CDKAL1: variants seen among roughly 807,000 people sequenced by gnomAD.
The protein encoded by CDKAL1 is threonylcarbamoyladenosine tRNA methylthiotransferase.
A neutral mutation model predicts 68.2 loss-of-function variants in CDKAL1; 32 were observed. The ratio of observed to expected loss-of-function variants is 0.47; its 90% CI spans 0.35 to 0.63. The LOEUF (loss-of-function observed/expected upper bound fraction) is 0.63, where lower values mean the gene tolerates loss of function less well. CDKAL1 is among the 30% of genes least tolerant of loss of function. CDKAL1 has a pLI of 0.00. For missense variants in CDKAL1, 606 were observed against 696.7 expected, an observed-to-expected ratio of 0.87 and a Z score of 1.47; for synonymous variants, 234 against 244.3, an observed-to-expected ratio of 0.96 and a Z score of 0.39.
chr6:20,918,028 T>G (rs1028268601), intron 9 of CDKAL1, among the ~76,000 whole-genome samples: 1 of 152,186 alleles, frequency 6.6e-6, no homozygotes, highest in African/African-American at 2.4e-5. Flanking sequence ...TAAGAATTGT[T>G]TTAGCCTGGG....
intron 12 of CDKAL1, among the ~76,000 whole-genome samples, chr6:21,068,047 TTTACCAGTTGGA>T (rs775333545): frequency 0.029 from 593 of 20,328 alleles, 3 homozygotes; most frequent in Non-Finnish European, 0.028. Flanking sequence ...TACCTGTTGG[TTTACCAGTTGGA>T]TTTACAACCC....
chr6:21,126,728 G>A lies in CDKAL1; in HGVS notation c.1299+18265G>A, dbSNP rs181105421. Among the ~76,000 whole-genome samples the A allele has an allele frequency of 2.2e-3, 339 of 152,200 alleles. 2 individuals carry two copies. Among genetic ancestry groups the A allele is most frequent in the Non-Finnish European group, 3.4e-3 (233 of 68,000 alleles). On this transcript the variant is annotated intron_variant, in intron 13 of 15. Coordinates refer to ENST00000274695, the MANE Select transcript of CDKAL1 (RefSeq NM_017774.3). ...TCTGATAACCTGACATTTCCCTAAG[G>A]ATATTAAGTAGCTTATTAGATATTT...
intron 9 of CDKAL1, among the ~76,000 whole-genome samples, chr6:20,937,224 A>G (rs1021742531): frequency 4.6e-5 from 7 of 152,244 alleles, no homozygotes; most frequent in Admixed American, 4.6e-4. Flanking sequence ...GGCTGGGACT[A>G]CAGGTGTGTA....
chr6:20,556,442 C>T (rs1172963767), intron 4 of CDKAL1, among the ~76,000 whole-genome samples: 1 of 152,052 alleles, frequency 6.6e-6, no homozygotes, highest in African/African-American at 2.4e-5. Context: ...TTCCTACCTC[C>T]TTAATCATAA....
At chr6:20,969,261 G>A (rs528987858) in intron 10 of CDKAL1, among the ~76,000 whole-genome samples, 10 of 152,222 alleles carry the variant, frequency 6.6e-5, no homozygotes, top group Admixed American at 3.3e-4. Context: ...ATTAATGCAC[G>A]TGTGTTATGT....
chr6:21,147,914 C>G (rs556169713), intron 13 of CDKAL1, among the ~76,000 whole-genome samples: 18 of 152,190 alleles, frequency 1.2e-4, no homozygotes, highest in African/African-American at 4.3e-4. Context: ...TCATTTGTGG[C>G]AGTCTAGAAA....
intron 10 of CDKAL1, among the ~76,000 whole-genome samples, chr6:20,991,905 A>G (rs1766831454): frequency 6.6e-6 from 1 of 151,264 alleles, no homozygotes; most frequent in South Asian, 2.1e-4. Context: ...TTACCACAAT[A>G]AAACAATAAA....
At chr6:20,729,970 A>G (rs914201841) in intron 5 of CDKAL1, among the ~76,000 whole-genome samples, 2 of 152,144 alleles carry the variant, frequency 1.3e-5, no homozygotes, top group East Asian at 1.9e-4. Flanking sequence ...TCTTTATGAC[A>G]TTCATGCTCT....
intron 13 of CDKAL1, among the ~76,000 whole-genome samples, chr6:21,130,751 T>A (rs9986401): frequency 0.87 from 131,917 of 152,188 alleles, 57,456 homozygotes; most frequent in East Asian, 1. Flanking sequence ...CACAGTAGAC[T>A]AGGTCTCAGG....
intron 12 of CDKAL1, among the ~76,000 whole-genome samples, chr6:21,077,032 G>A (rs182444045): frequency 1.8e-4 from 28 of 152,264 alleles, no homozygotes; most frequent in Non-Finnish European, 3.5e-4. Context: ...TTTTTATACA[G>A]AGGATATTTA....
intron 9 of CDKAL1, among the ~76,000 whole-genome samples, chr6:20,847,054 G>A (rs1778401991): frequency 1.3e-5 from 2 of 151,826 alleles, no homozygotes; most frequent in Admixed American, 1.3e-4. Context: ...TCATTTTTTT[G>A]TTTAGTCTGT....
Position 20,609,373 on chromosome 6 carries a change from CCTTCTTCTTCTT to C in CDKAL1, c.287-39901_287-39890del, listed in dbSNP as rs200074365. On this transcript the variant is annotated intron_variant, in intron 4 of 15. Coordinates refer to ENST00000274695, the MANE Select transcript of CDKAL1 (RefSeq NM_017774.3). ...CCTTCTCCTCCCTTCTTCTCCTTCT[CCTTCTTCTTCTT>C]CTTCTTCTTCTTCTTCTTTTTTTTT... Among the ~76,000 whole-genome samples the C allele has an allele frequency of 5.5e-3, 598 of 107,832 alleles. 10 individuals carry two copies. The highest frequency in any genetic ancestry group is 0.024 in the African/African-American group (548 of 22,720). The allele number at this position is 107,832 out of a possible 152,430, so 70.7% of individuals were successfully genotyped here. A position where few individuals can be genotyped will look rare whatever the true frequency, so the allele number is the denominator to read the frequency against.
intron 13 of CDKAL1, among the ~76,000 whole-genome samples, chr6:21,110,029 G>A (rs1470010490): frequency 6.6e-6 from 1 of 152,068 alleles, no homozygotes; most frequent in Non-Finnish European, 1.5e-5. Context: ...GATTATTTTG[G>A]CTTCCCTTCA....
At chr6:20,619,981 A>G (rs1214563842) in intron 4 of CDKAL1, among the ~76,000 whole-genome samples, 2 of 152,226 alleles carry the variant, frequency 1.3e-5, no homozygotes, top group Non-Finnish European at 2.9e-5. Context: ...TGACTTGAAT[A>G]AACTGTTGTA....
intron 13 of CDKAL1, among the ~76,000 whole-genome samples, chr6:21,195,985 G>C (rs745359252): frequency 6.6e-6 from 1 of 152,124 alleles, no homozygotes; most frequent in Non-Finnish European, 1.5e-5. Flanking sequence ...CCTACAAATA[G>C]TTCTCTTATG....
chr6:21,145,205 C>T (rs1347555818), intron 13 of CDKAL1, among the ~76,000 whole-genome samples: 1 of 152,106 alleles, frequency 6.6e-6, no homozygotes, highest in Non-Finnish European at 1.5e-5. Context: ...TGAAAGTGTG[C>T]AGATTTTCAT....
At chr6:20,848,279 G>GTTTTTTTGGTGTT (rs753304984) in intron 9 of CDKAL1, among the ~76,000 whole-genome samples, 3 of 62,286 alleles carry the variant, frequency 4.8e-5, no homozygotes, top group African/African-American at 1.1e-4. Flanking sequence ...CTGGAAAGTT[G>GTTTTTTTGGTGTT]TTTTTTTTTT....
intron 11 of CDKAL1, among the ~76,000 whole-genome samples, chr6:21,003,038 A>G (rs2150823361): frequency 6.6e-6 from 1 of 151,986 alleles, no homozygotes. Context: ...CATCAGAACC[A>G]TAAAATTGTG....
intron 4 of CDKAL1, among the ~76,000 whole-genome samples, chr6:20,648,916 T>G (rs1472793534): frequency 1.3e-5 from 2 of 152,194 alleles, no homozygotes; most frequent in Non-Finnish European, 2.9e-5. Flanking sequence ...GAATATTCAG[T>G]GTACACTCTG....
Sources: gnomAD v4.1 joint callset for allele counts (sites outside exome capture counted in the v4.1 genomes callset) on GRCh38, gnomAD v4.1.1 for gene constraint, MANE v1.5 for transcripts, NCBI Gene and HGNC (gene_info 2026-07-23, HGNC 2026-07-21) for gene names.